Variants in GJB7 observed in about 807,000 individuals in gnomAD.
GJB7 encodes the protein gap junction beta-7 protein.
For synonymous variants in GJB7, 87 were observed against 95.2 expected, an observed-to-expected ratio of 0.91 and a Z score of 0.50; for missense variants, 253 against 256.8, an observed-to-expected ratio of 0.99 and a Z score of 0.10.
chr6:87,293,567 T>C (rs1334805788), intron 2 of GJB7, among the ~76,000 whole-genome samples: 2 of 152,186 alleles, frequency 1.3e-5, no homozygotes, highest in Admixed American at 1.3e-4. Flanking sequence ...TCTGGAATTG[T>C]TTGTCCCTTT....
In GJB7 at chr6:87,285,700, C is replaced by T. The variant is rs1161559433; in HGVS notation, c.-27-761G>A. Among the ~76,000 whole-genome samples the T allele has an allele frequency of 2.0e-5, 3 of 152,180 alleles. No homozygotes were observed. In the South Asian group the frequency reaches 6.2e-4, roughly 31 times the overall value. ...CTTCAATCTCCCGTCTCCTTTCTCT[C>T]AGTATACAAATATGCTTAAGTGTTG... On this transcript the variant is annotated intron_variant, in intron 2 of 2. Coordinates refer to ENST00000525899, the MANE Select transcript of GJB7 (RefSeq NM_198568.3).
chr6:87,320,134 T>C (rs1436231055), intron 2 of GJB7, among the ~76,000 whole-genome samples: 2 of 152,098 alleles, frequency 1.3e-5, no homozygotes, highest in African/African-American at 4.8e-5. Flanking sequence ...CAGTCAGCAA[T>C]AGTTGATTGT....
intron 2 of GJB7, among the ~76,000 whole-genome samples, chr6:87,288,871 A>G (rs9344698): frequency 0.1 from 15,618 of 152,222 alleles, 850 homozygotes; most frequent in East Asian, 0.13. Context: ...CTGGAACACC[A>G]TAATAGCTTC....
intron 2 of GJB7, among the ~76,000 whole-genome samples, chr6:87,286,110 A>G (rs1776055194): frequency 6.6e-6 from 1 of 151,778 alleles, no homozygotes; most frequent in Non-Finnish European, 1.5e-5. Context: ...CTTACTCTTT[A>G]TGCTCTCCCT....
At chr6:87,325,662 G>A (rs1237524714) in intron 1 of GJB7, among the ~76,000 whole-genome samples, 25 of 151,878 alleles carry the variant, frequency 1.6e-4, no homozygotes, top group African/African-American at 4.3e-4. Flanking sequence ...GCTGGATTCC[G>A]TTTGCCAGTA....
Position 87,285,680 on chromosome 6 carries a change from A to T in GJB7, c.-27-741T>A, listed in dbSNP as rs541653664. Among the ~76,000 whole-genome samples, 43 of 152,244 alleles carry T rather than the reference A, an allele frequency of 2.8e-4. No individual in the cohort carries two copies. In the South Asian group the frequency reaches 2.9e-3, roughly 10 times the overall value. ...TGTGTTTTGTATTCTGTGGTCTTCAATCTCCCGTCTCCTTTCTCTCAGTAT... is the reference window on the plus strand; with the variant it reads ...TGTGTTTTGTATTCTGTGGTCTTCATTCTCCCGTCTCCTTTCTCTCAGTAT... On this transcript the variant is annotated intron_variant, in intron 2 of 2. Coordinates refer to ENST00000525899, the MANE Select transcript of GJB7 (RefSeq NM_198568.3).
Position 87,289,906 on chromosome 6 carries a change from G to A in GJB7, c.-27-4967C>T, listed in dbSNP as rs75828823. ...CTGCTGGGAGCCAGAGAGCTGCTTC[G>A]TCATTCCCCAAAAGTGCTGGTTTGA... On this transcript the variant is annotated intron_variant, in intron 2 of 2. Transcript: ENST00000525899. Among the ~76,000 whole-genome samples the A allele has an allele frequency of 1.9e-3, 283 of 152,312 alleles. 2 individuals are homozygous for A. The highest frequency in any genetic ancestry group is 3.6e-3 in the Non-Finnish European group (247 of 68,024).
chr6:87,299,810 A>G, intron 2 of GJB7: 1 of 174,494 alleles, frequency 5.7e-6, no homozygotes, highest in Non-Finnish European at 1.2e-5. Flanking sequence ...ACCAAATATG[A>G]TGCTATGCTT....
chr6:87,283,929 C>A lies in GJB7; in HGVS notation c.*312G>T, dbSNP rs1460268837. 9.6e-6 allele frequency: 2 copies of A among 208,306 alleles called. No individual in the cohort carries two copies. Among genetic ancestry groups the A allele is most frequent in the African/African-American group, 2.3e-5 (1 of 43,068 alleles). 12.9% of individuals were successfully genotyped at this position (208,306 alleles called of 1,614,324 possible). A position where few individuals can be genotyped will look rare whatever the true frequency, so the allele number is the denominator to read the frequency against. ...TTTGCAATTACCTATTCTAAAACAACTAATGTTATCCACATACTGGAGAAC... is the reference window on the plus strand; with the variant it reads ...TTTGCAATTACCTATTCTAAAACAAATAATGTTATCCACATACTGGAGAAC... On this transcript the variant is annotated 3_prime_UTR_variant, in exon 3 of 3. Coordinates refer to ENST00000525899, the MANE Select transcript of GJB7 (RefSeq NM_198568.3).
rs1776003457 is a variant in GJB7 at position 87,283,224 on chromosome 6, AG to A, written c.*1016del. 6.6e-6 allele frequency: 1 copy of A among 152,260 alleles called. No individual in the cohort carries two copies. The highest frequency in any genetic ancestry group is 2.4e-5 in the African/African-American group (1 of 41,466). The allele number at this position is 152,260 out of a possible 1,614,324, so 9.4% of individuals were successfully genotyped here. A position where few individuals can be genotyped will look rare whatever the true frequency, so the allele number is the denominator to read the frequency against. Reference sequence around the variant, plus strand: ...ATAGGCGAACTATGACTTACAGTATAGTACATAGTGAATTCCTGATTATGAA... The same window carrying A: ...ATAGGCGAACTATGACTTACAGTATATACATAGTGAATTCCTGATTATGAA... On this transcript the variant is annotated 3_prime_UTR_variant, in exon 3 of 3. Transcript: ENST00000525899.
At chr6:87,312,675 C>T (rs1420023399) in intron 2 of GJB7, among the ~76,000 whole-genome samples, 1 of 152,194 alleles carries the variant, frequency 6.6e-6, no homozygotes, top group Non-Finnish European at 1.5e-5. Flanking sequence ...CCAATTATCC[C>T]TTTTGCCTTG....
rs149906281 is a variant in GJB7 at position 87,284,768 on chromosome 6, T to C, written c.145A>G (p.Lys49Glu). Residue 49 changes from lysine to glutamate, a missense_variant, in exon 3 of 3, where the codon AAA becomes GAA. By Grantham distance (56) the Lys-to-Glu change is moderately conservative. Coordinates refer to ENST00000525899, the MANE Select transcript of GJB7 (RefSeq NM_198568.3). ...AAEHVWKDEQKEFECNSRQPG... is the reference protein window; with the variant it reads ...AAEHVWKDEQEEFECNSRQPG... ...TGTCTACTGTTGCACTCAAACTCTT[T>C]CTGCTCATCTTTCCACACGTGCTCT... The C allele has an allele frequency of 5.0e-6, 8 of 1,614,136 alleles. No individual in the cohort carries two copies. The highest frequency in any genetic ancestry group is 2.2e-5 in the South Asian group (2 of 91,088).
At chr6:87,298,166 A>G (rs1582557985) in intron 2 of GJB7, among the ~76,000 whole-genome samples, 2 of 152,364 alleles carry the variant, frequency 1.3e-5, no homozygotes, top group South Asian at 2.1e-4. Flanking sequence ...AATGGCTAAT[A>G]TAACTAAAAA....
intron 2 of GJB7, among the ~76,000 whole-genome samples, chr6:87,314,990 C>T (rs763502267): frequency 1.1e-4 from 16 of 152,270 alleles, no homozygotes; most frequent in Admixed American, 4.6e-4. Flanking sequence ...CACTCAGAGA[C>T]GATAGCTCTC....
At chr6:87,301,168 G>C (rs1282993908) in intron 2 of GJB7, among the ~76,000 whole-genome samples, 3 of 152,176 alleles carry the variant, frequency 2.0e-5, no homozygotes, top group Non-Finnish European at 1.5e-5. Flanking sequence ...ACTGGGGCTT[G>C]TCGGACAGTG....
Position 87,284,364 on chromosome 6 carries a change from CAAG to C in GJB7, c.546_548del (p.Phe182del), listed in dbSNP as rs1776020624. ...CAATACACAAGCATGAGGTGATGAC[CAAG>C]AAGAGGATGAAGATCGTCTTCTCAG... On this transcript the variant is annotated inframe_deletion, in exon 3 of 3. Transcript: ENST00000525899. The C allele has an allele frequency of 6.2e-7, 1 of 1,613,858 alleles. No homozygotes were observed. The highest frequency in any genetic ancestry group is 8.5e-7 in the Non-Finnish European group (1 of 1,179,910).
chr6:87,327,777 A>G (rs60026186), intron 1 of GJB7, among the ~76,000 whole-genome samples: 59,911 of 137,588 alleles, frequency 0.44, 11,870 homozygotes, highest in Middle Eastern at 0.49. Context: ...CGTTCTCTGT[A>G]TTTCCTGAAT....
chr6:87,329,077 T>A (rs1776923430), intron 1 of GJB7, 61 bp downstream of exon 1: 1 of 153,052 alleles, frequency 6.5e-6, no homozygotes, highest in Non-Finnish European at 1.5e-5. Flanking sequence ...CCCTTGCACT[T>A]CCCGAGTGAG....
At chr6:87,329,079 C>G (rs1443748912) in intron 1 of GJB7, 59 bp downstream of exon 1, 1 of 153,094 alleles carries the variant, frequency 6.5e-6, no homozygotes, top group Non-Finnish European at 1.5e-5. Flanking sequence ...CTTGCACTTC[C>G]CGAGTGAGGC....
Sources: allele counts gnomAD v4.1 joint callset (sites outside exome capture counted in the v4.1 genomes callset), GRCh38; gene constraint gnomAD v4.1.1; transcripts MANE v1.5; gene names NCBI Gene and HGNC (gene_info 2026-07-23, HGNC 2026-07-21).